Variants in AFG2A observed in about 807,000 individuals in gnomAD.
AFG2A encodes the protein AAA ATPase AFG2A.
At chr4:123,161,388 C>T in the AFG2A span, among the ~76,000 whole-genome samples, 5 of 152,130 alleles carry the variant, frequency 3.3e-5, no homozygotes, top group South Asian at 4.2e-4. Context: ...AAGGATATAC[C>T]GCATCCAGCA....
chr4:122,967,865 A>G, the AFG2A span, among the ~76,000 whole-genome samples: 1 of 152,142 alleles, frequency 6.6e-6, no homozygotes, highest in African/African-American at 2.4e-5. Context: ...TCTGATTAGA[A>G]AGTACTCTAA....
At chr4:123,055,705 C>T in the AFG2A span, among the ~76,000 whole-genome samples, 43 of 152,088 alleles carry the variant, frequency 2.8e-4, no homozygotes, top group African/African-American at 9.9e-4. Context: ...CATGCATGCT[C>T]GTGCGCACAC....
the AFG2A span, among the ~76,000 whole-genome samples, chr4:123,214,924 A>G: frequency 1.3e-5 from 2 of 152,094 alleles, no homozygotes; most frequent in African/African-American, 4.8e-5. Context: ...AGTCAATAAT[A>G]GGCTATTAGT....
chr4:123,201,362 G>A, the AFG2A span, among the ~76,000 whole-genome samples: 3 of 152,218 alleles, frequency 2.0e-5, no homozygotes, highest in South Asian at 2.1e-4. Context: ...CTCCAAACCC[G>A]TAAGTTGTAC....
chr4:123,005,050 A>G, the AFG2A span, among the ~76,000 whole-genome samples: 9 of 152,028 alleles, frequency 5.9e-5, no homozygotes, highest in Non-Finnish European at 1.2e-4. Flanking sequence ...GATCAGTGGT[A>G]TGTCCGGTCT....
At chr4:123,278,645 A>G in the AFG2A span, among the ~76,000 whole-genome samples, 1,943 of 152,172 alleles carry the variant, frequency 0.013, 48 homozygotes, top group African/African-American at 0.045. Context: ...AGATTCAGGT[A>G]TGTTGTATCT....
At chr4:122,948,623 C>T in the AFG2A span, among the ~76,000 whole-genome samples, 1 of 152,048 alleles carries the variant, frequency 6.6e-6, no homozygotes, top group Non-Finnish European at 1.5e-5. Context: ...AAAGAAGGGA[C>T]CCAGAGCCAA....
the AFG2A span, among the ~76,000 whole-genome samples, chr4:122,999,319 C>G: frequency 3.3e-5 from 5 of 152,110 alleles, no homozygotes; most frequent in South Asian, 8.3e-4. Flanking sequence ...TTAATTAGAT[C>G]CCATTTGTCA....
the AFG2A span, among the ~76,000 whole-genome samples, chr4:122,965,385 T>G: frequency 6.6e-6 from 1 of 152,210 alleles, no homozygotes; most frequent in Non-Finnish European, 1.5e-5. Context: ...TAATTGCTCT[T>G]GTCCAGAATT....
chr4:123,077,868 C>T, the AFG2A span, among the ~76,000 whole-genome samples: 5 of 152,196 alleles, frequency 3.3e-5, no homozygotes, highest in African/African-American at 9.7e-5. Context: ...ATTATGCAGC[C>T]ATCACCACTA....
At chr4:123,154,813 CGTATT>C in the AFG2A span, among the ~76,000 whole-genome samples, 1 of 152,056 alleles carries the variant, frequency 6.6e-6, no homozygotes, top group Non-Finnish European at 1.5e-5. Context: ...AAATGTAACA[CGTATT>C]GTTAAAGAAA....
the AFG2A span, among the ~76,000 whole-genome samples, chr4:122,961,282 G>A: frequency 1.3e-5 from 2 of 152,188 alleles, no homozygotes; most frequent in East Asian, 3.9e-4. Context: ...TGTATTTTAC[G>A]TATATTTATG....
At chr4:123,182,307 A>G in the AFG2A span, among the ~76,000 whole-genome samples, 527 of 152,336 alleles carry the variant, frequency 3.5e-3, 3 homozygotes, top group Admixed American at 0.011. Flanking sequence ...TCTTCATAGT[A>G]TAGCATCTGG....
the AFG2A span, among the ~76,000 whole-genome samples, chr4:123,189,883 T>C: frequency 1.5e-5 from 2 of 133,742 alleles, no homozygotes; most frequent in African/African-American, 5.6e-5. Context: ...GGCAAGATCA[T>C]GGCTCACTGC....
At chr4:122,933,063 G>A in the AFG2A span, among the ~76,000 whole-genome samples, 21 of 152,318 alleles carry the variant, frequency 1.4e-4, 1 homozygote, top group Admixed American at 1.3e-3. Flanking sequence ...ATGTGTGCAT[G>A]TGTGTATGTA....
the AFG2A span, among the ~76,000 whole-genome samples, chr4:123,012,775 T>C: frequency 6.6e-6 from 1 of 152,002 alleles, no homozygotes; most frequent in Non-Finnish European, 1.5e-5. Flanking sequence ...TGAGAGAGGT[T>C]GGAGAAGAGA....
chr4:122,924,886 G>A, the AFG2A span, among the ~76,000 whole-genome samples: 11 of 152,094 alleles, frequency 7.2e-5, 1 homozygote, highest in East Asian at 1.7e-3. Context: ...TTAAACAGAT[G>A]TGAAATTACT....
the AFG2A span, among the ~76,000 whole-genome samples, chr4:122,939,101 T>G: frequency 1.3e-3 from 103 of 79,584 alleles, 1 homozygote; most frequent in African/African-American, 2.6e-3. Flanking sequence ...TTTTTTTTTT[T>G]GGAGACAGAG....
At chr4:123,043,075 G>A in the AFG2A span, among the ~76,000 whole-genome samples, 280 of 152,054 alleles carry the variant, frequency 1.8e-3, no homozygotes, top group Middle Eastern at 6.8e-3. Context: ...ATCTACTAGT[G>A]ACATATCCTC....
Sources: gnomAD v4.1 joint callset for allele counts (sites outside exome capture counted in the v4.1 genomes callset) on GRCh38, gnomAD v4.1.1 for gene constraint, MANE v1.5 for transcripts, NCBI Gene and HGNC (gene_info 2026-07-23, HGNC 2026-07-21) for gene names.